ATOSA: variants seen among roughly 807,000 people sequenced by gnomAD.
ATOSA encodes atos homolog protein A.
the ATOSA span, chr15:52,629,548 A>T: frequency 3.5e-6 from 1 of 284,294 alleles, no homozygotes; most frequent in Non-Finnish European, 7.0e-6. Flanking sequence ...TCATGCCTGT[A>T]ATCCCAGCAC....
At chr15:52,641,829 G>A in the ATOSA span, among the ~76,000 whole-genome samples, 12 of 152,310 alleles carry the variant, frequency 7.9e-5, no homozygotes, top group South Asian at 2.1e-3. Context: ...CTTTGAAATA[G>A]TAACTCTGCC....
At chr15:52,633,670 T>C in the ATOSA span, among the ~76,000 whole-genome samples, 1 of 152,222 alleles carries the variant, frequency 6.6e-6, no homozygotes, top group Non-Finnish European at 1.5e-5. Context: ...AATGCTTTTT[T>C]AGACATCAAA....
the ATOSA span, among the ~76,000 whole-genome samples, chr15:52,647,065 G>C: frequency 9.9e-5 from 15 of 152,264 alleles, no homozygotes; most frequent in African/African-American, 3.4e-4. Flanking sequence ...TTTGTCAACT[G>C]TAAGTAGTCT....
At chr15:52,707,350 T>C in the ATOSA span, among the ~76,000 whole-genome samples, 3 of 152,238 alleles carry the variant, frequency 2.0e-5, no homozygotes, top group South Asian at 2.1e-4. Flanking sequence ...CACCACTCAA[T>C]AGAGACAGAT....
the ATOSA span, among the ~76,000 whole-genome samples, chr15:52,693,307 C>G: frequency 6.6e-6 from 1 of 152,054 alleles, no homozygotes; most frequent in Non-Finnish European, 1.5e-5. Flanking sequence ...GTAATCTCAG[C>G]TACTTGGGAG....
At chr15:52,634,106 G>GA in the ATOSA span, among the ~76,000 whole-genome samples, 1 of 151,570 alleles carries the variant, frequency 6.6e-6, no homozygotes, top group African/African-American at 2.4e-5. Flanking sequence ...AGATAAAATA[G>GA]AATTTAAAAA....
At chr15:52,633,559 T>C in the ATOSA span, among the ~76,000 whole-genome samples, 2 of 151,934 alleles carry the variant, frequency 1.3e-5, no homozygotes, top group African/African-American at 4.8e-5. Context: ...AGTTAAAGCA[T>C]TGAAGAGGAG....
At chr15:52,584,465 C>T in the ATOSA span, among the ~76,000 whole-genome samples, 5 of 152,032 alleles carry the variant, frequency 3.3e-5, no homozygotes, top group East Asian at 7.7e-4. Flanking sequence ...AAATAGTATT[C>T]GTTTAGAAAA....
the ATOSA span, among the ~76,000 whole-genome samples, chr15:52,629,196 T>C: frequency 6.6e-6 from 1 of 152,188 alleles, no homozygotes; most frequent in African/African-American, 2.4e-5. Context: ...AGAGGTCATA[T>C]AAAGACGTTT....
At chr15:52,634,614 T>G in the ATOSA span, among the ~76,000 whole-genome samples, 13 of 151,170 alleles carry the variant, frequency 8.6e-5, no homozygotes, top group African/African-American at 3.2e-4. Context: ...CTTTTTTTTT[T>G]TTTTTGAGAC....
the ATOSA span, among the ~76,000 whole-genome samples, chr15:52,588,446 ATTATTATTTTGAG>A: frequency 6.6e-6 from 1 of 151,964 alleles, no homozygotes; most frequent in African/African-American, 2.4e-5. Context: ...TATTATTATT[ATTATTATTTTGAG>A]ATGCTTTCTC....
chr15:52,632,320 T>C, the ATOSA span, among the ~76,000 whole-genome samples: 4 of 152,300 alleles, frequency 2.6e-5, no homozygotes, highest in Admixed American at 1.3e-4. Flanking sequence ...CTTCTGTTGG[T>C]TTAAATAAAT....
the ATOSA span, among the ~76,000 whole-genome samples, chr15:52,612,948 T>A: frequency 1.3e-5 from 2 of 151,356 alleles, no homozygotes; most frequent in Admixed American, 1.3e-4. Flanking sequence ...ACAAAAAATA[T>A]CTTCCCATTT....
chr15:52,679,061 G>A, the ATOSA span: 1 of 152,766 alleles, frequency 6.5e-6, no homozygotes, highest in Admixed American at 6.5e-5. Flanking sequence ...GCGGAGTATG[G>A]AGCGCAGCGG....
the ATOSA span, chr15:52,609,903 T>C: frequency 6.2e-7 from 1 of 1,611,638 alleles, no homozygotes; most frequent in Non-Finnish European, 8.5e-7. Context: ...TTGAAAATGA[T>C]TTTAAAGTTC....
the ATOSA span, among the ~76,000 whole-genome samples, chr15:52,596,235 G>T: frequency 6.6e-5 from 10 of 152,138 alleles, no homozygotes; most frequent in Non-Finnish European, 1.3e-4. Flanking sequence ...ATATTTTTAA[G>T]ATGTCAATTT....
At chr15:52,593,143 CA>C in the ATOSA span, among the ~76,000 whole-genome samples, 2,068 of 126,972 alleles carry the variant, frequency 0.016, 21 homozygotes, top group African/African-American at 0.041. Context: ...GAGATGCTGT[CA>C]AAAAAAAAAA....
chr15:52,667,365 G>A, the ATOSA span, among the ~76,000 whole-genome samples: 1 of 152,130 alleles, frequency 6.6e-6, no homozygotes, highest in Non-Finnish European at 1.5e-5. Context: ...TCTGTAAAAG[G>A]AAGCAATGTA....
the ATOSA span, among the ~76,000 whole-genome samples, chr15:52,633,405 T>A: frequency 1.7e-4 from 26 of 152,300 alleles, no homozygotes; most frequent in South Asian, 2.1e-3. Flanking sequence ...TTATCCCAGG[T>A]GGGGAAATAA....
Sources: allele counts gnomAD v4.1 joint callset (sites outside exome capture counted in the v4.1 genomes callset), GRCh38; gene constraint gnomAD v4.1.1; transcripts MANE v1.5; gene names NCBI Gene and HGNC (gene_info 2026-07-23, HGNC 2026-07-21).